Variants in BLTP1 observed in about 807,000 individuals in gnomAD.
BLTP1 encodes fragile site-associated protein.
At chr4:122,229,078 G>C in the BLTP1 span, 1 of 1,499,020 alleles carries the variant, frequency 6.7e-7, no homozygotes, top group East Asian at 2.4e-5. Flanking sequence ...AAAATAATAA[G>C]TTGATGGTGA....
chr4:122,296,262 A>C, the BLTP1 span, among the ~76,000 whole-genome samples: 3 of 152,202 alleles, frequency 2.0e-5, no homozygotes, highest in African/African-American at 7.2e-5. Flanking sequence ...TAGCATTCCT[A>C]TACACCAATA....
At chr4:122,284,526 A>G in the BLTP1 span, among the ~76,000 whole-genome samples, 1 of 152,160 alleles carries the variant, frequency 6.6e-6, no homozygotes, top group Non-Finnish European at 1.5e-5. Context: ...TGTTAACATA[A>G]TTTAAAAATA....
the BLTP1 span, among the ~76,000 whole-genome samples, chr4:122,176,722 A>G: frequency 1.3e-5 from 2 of 152,214 alleles, no homozygotes; most frequent in Non-Finnish European, 1.5e-5. Context: ...AAAAAATGAT[A>G]AAGGCCCAAT....
At chr4:122,307,788 G>T in the BLTP1 span, 1 of 985,000 alleles carries the variant, frequency 1.0e-6, no homozygotes, top group African/African-American at 1.7e-5. Flanking sequence ...AAAAAATGGT[G>T]ACTATATGTC....
chr4:122,179,823 T>G, the BLTP1 span: 1 of 984,460 alleles, frequency 1.0e-6, no homozygotes, highest in Admixed American at 6.2e-5. Flanking sequence ...GCTAGTACAC[T>G]CACTGTATCC....
the BLTP1 span, chr4:122,246,724 A>C: frequency 6.2e-7 from 1 of 1,611,962 alleles, no homozygotes; most frequent in East Asian, 2.2e-5. Context: ...AAGAATCTCC[A>C]ACTACGGCTC....
the BLTP1 span, chr4:122,349,141 T>TG: frequency 6.3e-7 from 1 of 1,592,774 alleles, no homozygotes; most frequent in Non-Finnish European, 8.6e-7. This position sits in a 1 kb window ranked among gnomAD's most constrained non-coding sequence, Gnocchi z 4.5. Flanking sequence ...TATAATAACC[T>TG]TTTTTTCATT....
chr4:122,252,720 G>C, the BLTP1 span, among the ~76,000 whole-genome samples: 1 of 152,184 alleles, frequency 6.6e-6, no homozygotes, highest in African/African-American at 2.4e-5. Flanking sequence ...CCAGAGCCTG[G>C]CGAACTCGCC....
chr4:122,216,253 A>G, the BLTP1 span, among the ~76,000 whole-genome samples: 2 of 152,190 alleles, frequency 1.3e-5, no homozygotes, highest in African/African-American at 4.8e-5. Flanking sequence ...TGTCTTTTTC[A>G]TATAATGACT....
the BLTP1 span, chr4:122,254,273 T>G: frequency 6.2e-6 from 10 of 1,613,256 alleles, no homozygotes; most frequent in East Asian, 2.2e-4. Flanking sequence ...TAGCATGAAG[T>G]TGACCATTAA....
the BLTP1 span, among the ~76,000 whole-genome samples, chr4:122,218,392 T>C: frequency 6.6e-6 from 1 of 152,134 alleles, no homozygotes. Flanking sequence ...CAATAGGGAA[T>C]AGAGGAAAAA....
At chr4:122,237,133 G>T in the BLTP1 span, 1 of 984,814 alleles carries the variant, frequency 1.0e-6, no homozygotes, top group Non-Finnish European at 1.2e-6. Flanking sequence ...CTTACCCCTT[G>T]AATGCCACTA....
the BLTP1 span, chr4:122,225,390 C>T: frequency 6.6e-6 from 1 of 152,144 alleles, no homozygotes; most frequent in African/African-American, 2.4e-5. Flanking sequence ...TGTAACATTT[C>T]ACCTGAGTCA....
At chr4:122,177,952 T>C in the BLTP1 span, 2 of 196,868 alleles carry the variant, frequency 1.0e-5, no homozygotes, top group African/African-American at 4.7e-5. Flanking sequence ...TGAAGCAAAC[T>C]CTGTAAATGG....
chr4:122,186,986 G>A, the BLTP1 span: 1 of 983,720 alleles, frequency 1.0e-6, no homozygotes, highest in African/African-American at 1.7e-5. Flanking sequence ...GGTGAGGGAA[G>A]GAAGAGGAGC....
chr4:122,159,787 G>A, the BLTP1 span, among the ~76,000 whole-genome samples: 1 of 152,162 alleles, frequency 6.6e-6, no homozygotes, highest in African/African-American at 2.4e-5. Flanking sequence ...AAGGGATGAA[G>A]CCAGCTTTCC....
the BLTP1 span, among the ~76,000 whole-genome samples, chr4:122,184,212 G>T: frequency 6.6e-6 from 1 of 152,150 alleles, no homozygotes; most frequent in African/African-American, 2.4e-5. Context: ...AAGTGAATGT[G>T]TCAAAAGCCA....
chr4:122,340,479 A>G, the BLTP1 span, among the ~76,000 whole-genome samples: 4 of 152,160 alleles, frequency 2.6e-5, no homozygotes, highest in African/African-American at 9.6e-5. Context: ...ATCAAGCATC[A>G]GTTGGAAAAA....
chr4:122,310,851 T>C, the BLTP1 span: 10 of 555,942 alleles, frequency 1.8e-5, no homozygotes, highest in Non-Finnish European at 2.3e-5. Context: ...CAGTACTTAT[T>C]TGAAATACTT....
Sources: gnomAD v4.1 joint callset for allele counts (sites outside exome capture counted in the v4.1 genomes callset) on GRCh38, gnomAD v4.1.1 for gene constraint, Gnocchi (gnomAD v3.1) non-coding constraint, MANE v1.5 for transcripts, NCBI Gene and HGNC (gene_info 2026-07-23, HGNC 2026-07-21) for gene names.